The following A2ML1 variants were observed in gnomAD, a reference collection of about 807,000 sequenced individuals.
The protein encoded by A2ML1 is alpha-2-macroglobulin-like protein 1.
A neutral mutation model predicts 181.9 loss-of-function variants in A2ML1; 161 were observed. That is an observed-to-expected ratio of 0.89 (90% confidence interval 0.78 to 1.01). The LOEUF (loss-of-function observed/expected upper bound fraction) is 1.01, where lower values mean the gene tolerates loss of function less well. A2ML1 is among the 50% of genes least tolerant of loss of function. The pLI is 0.00. For synonymous variants in A2ML1, 663 were observed against 666.8 expected, an observed-to-expected ratio of 0.99 and a Z score of 0.09; for missense variants, 1,670 against 1,768.1, an observed-to-expected ratio of 0.94 and a Z score of 1.00.
intron 18 of A2ML1, 34 bp downstream of exon 18, chr12:8,850,308 A>C: frequency 6.5e-7 from 1 of 1,538,120 alleles, no homozygotes; most frequent in Non-Finnish European, 8.9e-7. Context: ...GTAAAGGGCC[A>C]GGTGCATGGC....
chr12:8,847,527 G>T (rs764096592), intron 14 of A2ML1, 22 bp from the exon 15 acceptor site: 52 of 1,597,842 alleles, frequency 3.3e-5, no homozygotes, highest in Non-Finnish European at 4.3e-5. Context: ...TGATCCCCAA[G>T]TTATACCTTT....
rs762588799 is a variant in A2ML1 at position 8,854,195 on chromosome 12, G to A, written c.2658G>A (p.Gly886=). The A allele has an allele frequency of 2.9e-5, 46 of 1,609,820 alleles. No homozygotes were observed. The highest frequency in any genetic ancestry group is 3.9e-5 in the Non-Finnish European group (46 of 1,177,908). ...DSNEPCGGQK[G]FVPQKGRSDT... ...ATGAACCATGTGGGGGCCAGAAGGG[G>A]TTTGTTCCCCAAAAGGGCCGAAGTG... The change falls in exon 21 of 36, where the codon GGG becomes GGA. Residue 886 remains glycine (G), a synonymous_variant. Transcript: ENST00000299698.
intron 4 of A2ML1, among the ~76,000 whole-genome samples, chr12:8,831,583 A>G (rs373788733): frequency 6.6e-6 from 1 of 152,184 alleles, no homozygotes; most frequent in Non-Finnish European, 1.5e-5. Flanking sequence ...TAACCACCCA[A>G]TGGGTTCACC....
rs192803484 is a variant in A2ML1, at chr12:8,870,026, G to A, written c.4221+823G>A. On this transcript the variant is annotated intron_variant, in intron 33 of 35. Transcript: ENST00000299698. ...TTTTAACAAAACAAGAAGTTCTCAAGGACTAACAATGTTCTAAAGATTGTT... is the reference window on the plus strand; with the variant it reads ...TTTTAACAAAACAAGAAGTTCTCAAAGACTAACAATGTTCTAAAGATTGTT... 7.8e-4 allele frequency among the ~76,000 whole-genome samples: 119 copies of A among 152,156 alleles called. 1 individual carries two copies. Among genetic ancestry groups the A allele is most frequent in the Admixed American group, 5.6e-3 (85 of 15,288 alleles).
In A2ML1 at chr12:8,841,363, C is replaced by T; in HGVS notation, c.1081-6C>T. The T allele has an allele frequency of 6.2e-7, 1 of 1,613,068 alleles. No individual in the cohort carries two copies. Among genetic ancestry groups the T allele is most frequent in the Non-Finnish European group, 8.5e-7 (1 of 1,179,570 alleles). ...ATTCTAATCCGTAATGATCTTTGTC[C>T]TTCAGATAAGAGTTAGGGGCCATGA... On this transcript the variant is annotated splice_region_variant and splice_polypyrimidine_tract_variant and intron_variant, in intron 10 of 35. Transcript: ENST00000299698.
At chr12:8,832,427 G>C (rs930330026) in intron 4 of A2ML1, among the ~76,000 whole-genome samples, 1 of 152,188 alleles carries the variant, frequency 6.6e-6, no homozygotes, top group Non-Finnish European at 1.5e-5. Flanking sequence ...GGGCAAGAAG[G>C]GGGTCTTTTT....
At chr12:8,846,329 A>C in intron 14 of A2ML1, 107 bp downstream of exon 14, 1 of 1,272,176 alleles carries the variant, frequency 7.9e-7, no homozygotes, top group Non-Finnish European at 1.1e-6. Context: ...GATAGTGTTG[A>C]CGTTGGATGT....
Position 8,884,242 on chromosome 12 carries a change from T to TG in A2ML1, c.*95-2265_*95-2264insG, listed in dbSNP as rs1157912848. 1.2e-3 allele frequency among the ~76,000 whole-genome samples: 145 copies of TG among 116,156 alleles called. 2 individuals are homozygous for TG. The highest frequency in any genetic ancestry group is 3.5e-3 in the African/African-American group (115 of 33,106). The allele number at this position is 116,156 out of a possible 152,430, so 76.2% of individuals were successfully genotyped here. On this transcript the variant is annotated intron_variant and NMD_transcript_variant, in intron 7 of 7. Transcript: ENST00000537475. ...TTTTTTTATTTTTTGTTTTTTTTTG[T>TG]TTTGTTTTTTTTTAACTATTTTCCT...
intron 28 of A2ML1, among the ~76,000 whole-genome samples, 197 bp downstream of exon 28, chr12:8,861,494 T>C (rs1030437042): frequency 3.9e-5 from 6 of 152,164 alleles, no homozygotes; most frequent in African/African-American, 1.4e-4. Flanking sequence ...TACTTTTTTT[T>C]CTTTTCTTTT....
rs1943821625 is a variant in A2ML1, at chr12:8,849,688, T to G, written c.2048T>G (p.Leu683Arg). The G allele has an allele frequency of 1.2e-6, 2 of 1,614,106 alleles. No individual in the cohort carries two copies. ...TATCAGGACGTGGGCCTGAAAATACTGTCCAATGCCAAAATCAAGAAGCCA... is the reference window on the plus strand; with the variant it reads ...TATCAGGACGTGGGCCTGAAAATACGGTCCAATGCCAAAATCAAGAAGCCA... ...SFFRDVGLKI[L>R]SNAKIKKPVD... The change falls in exon 17 of 36, where the codon CTG becomes CGG. Residue 683 changes from leucine (L) to arginine (R), a missense_variant. Coordinates refer to ENST00000299698, the MANE Select transcript of A2ML1 (RefSeq NM_144670.6).
downstream of A2ML1, among the ~76,000 whole-genome samples, chr12:8,881,682 T>G (rs9669677): frequency 1.3e-5 from 2 of 152,228 alleles, no homozygotes; most frequent in African/African-American, 4.8e-5. Flanking sequence ...GGTACAGATA[T>G]AGAAAGAGAG....
Position 8,854,797 on chromosome 12 carries a change from G to A in A2ML1, c.2730G>A (p.Val910=), listed in dbSNP as rs748749081. Residue 910 remains valine (V), a synonymous_variant, in exon 22 of 36, where the codon GTG becomes GTA. Coordinates refer to ENST00000299698, the MANE Select transcript of A2ML1 (RefSeq NM_144670.6). The part of the protein sequence containing the change: ...PVLVKPEGVL[V]EKTHSSLLCP... ...CATCGCAGCCTGAGGGAGTCCTGGT[G>A]GAGAAGACACACAGCTCATTGCTGT... The A allele has an allele frequency of 1.4e-5, 23 of 1,614,086 alleles. No homozygotes were observed. Among genetic ancestry groups the A allele is most frequent in the Non-Finnish European group, 1.9e-5 (23 of 1,180,020 alleles).
rs756409438 is a variant in A2ML1 at position 8,851,833 on chromosome 12, G to A, written c.2284G>A (p.Glu762Lys). Residue 762 changes from glutamate to lysine, a missense_variant, in exon 19 of 36, where the codon GAG (glutamate) becomes AAG (lysine). Coordinates refer to ENST00000299698, the MANE Select transcript of A2ML1 (RefSeq NM_144670.6). Reference protein sequence around the residue: ...VHVTVPDAITEWKAMSFCTSQ... With the variant: ...VHVTVPDAITKWKAMSFCTSQ... ...CGTCACAGTTCCTGACGCCATCACC[G>A]AGTGGAAGGCGATGAGTTTCTGCAC... The A allele has an allele frequency of 8.1e-6, 13 of 1,614,058 alleles. No homozygotes were observed. The highest frequency in any genetic ancestry group is 3.3e-5 in the Admixed American group (2 of 59,998).
chr12:8,858,964 CA>C (rs1031835242), intron 26 of A2ML1, among the ~76,000 whole-genome samples: 10 of 152,088 alleles, frequency 6.6e-5, no homozygotes, highest in African/African-American at 2.2e-4. Context: ...ATGTTTACAA[CA>C]AATCAATGAG....
chr12:8,869,208 G>A lies in A2ML1; in HGVS notation c.4221+5G>A. 1.2e-6 allele frequency: 2 copies of A among 1,613,956 alleles called. No individual in the cohort carries two copies. Among genetic ancestry groups the A allele is most frequent in the Non-Finnish European group, 1.7e-6 (2 of 1,179,896 alleles). ...CTTAACATTTACTTGGATGAGGTAG[G>A]TATTCAGGAACCAGATCAAAGAGCT... On this transcript the variant is annotated splice_donor_5th_base_variant and intron_variant, in intron 33 of 35. Transcript: ENST00000299698.
rs117393361 is a variant in A2ML1 at position 8,851,304 on chromosome 12, T to C, written c.2235-480T>C. 8.4e-4 allele frequency among the ~76,000 whole-genome samples: 127 copies of C among 152,026 alleles called. 1 individual carries two copies. In the East Asian group the frequency reaches 0.017, roughly 20 times the overall value. ...CGACTCCCCACCATAGTCCCCCTCC[T>C]CCGTATGAGTGCAGCCTCACTCACA... is the stretch of plus-strand genomic sequence containing the variant. On this transcript the variant is annotated intron_variant, in intron 18 of 35. Coordinates refer to ENST00000299698, the MANE Select transcript of A2ML1 (RefSeq NM_144670.6).
At chr12:8,873,962 T>C (rs1045352923) in intron 33 of A2ML1, among the ~76,000 whole-genome samples, 5 of 152,166 alleles carry the variant, frequency 3.3e-5, no homozygotes, top group South Asian at 2.1e-4. Flanking sequence ...TTAAGACTCA[T>C]AGGGCAGTAG....
rs761244049 is a variant in A2ML1, at chr12:8,868,540, T to C, written c.4065T>C (p.Tyr1355=). Residue 1355 remains tyrosine, a synonymous_variant, in exon 32 of 36, where the codon TAT becomes TAC. Transcript: ENST00000299698. ...RSLTLTIHTS[Y]VGSRSSSNMA... is the part of the protein sequence containing the mutation. The stretch of plus-strand genomic sequence containing the variant: ...GTTTTCTTCTTCCTGCTCTCAGTTA[T>C]GTGGGGAGCCGTAGCTCTTCCAATA... 6.2e-6 allele frequency: 10 copies of C among 1,613,974 alleles called. No homozygotes were observed. Among genetic ancestry groups the C allele is most frequent in the Non-Finnish European group, 8.5e-6 (10 of 1,179,986 alleles).
At chr12:8,823,435 T>C in intron 2 of A2ML1, 70 bp downstream of exon 2, 13 of 1,458,460 alleles carry the variant, frequency 8.9e-6, no homozygotes, top group East Asian at 2.3e-5. Flanking sequence ...CACTATAATC[T>C]ACTTTAAGTA....
Sources: allele counts gnomAD v4.1 joint callset (sites outside exome capture counted in the v4.1 genomes callset), GRCh38; gene constraint gnomAD v4.1.1; transcripts MANE v1.5; gene names NCBI Gene and HGNC (gene_info 2026-07-23, HGNC 2026-07-21).